Variants in MAST4 observed in about 807,000 individuals in gnomAD.
MAST4 encodes the protein microtubule associated serine/threonine kinase family member 4.
Under a neutral mutation model 162.7 loss-of-function variants are expected in MAST4, and 89 were observed. The observed-to-expected ratio is 0.55, with a 90% CI of 0.46 to 0.65. The LOEUF is 0.65. Ranked by LOEUF, MAST4 falls within the 30% of genes least tolerant of loss-of-function variation. The pLI is 0.00. For missense variants in MAST4, 3,153 were observed against 3,374.0 expected (o/e 0.93, Z 1.62); for synonymous variants, 1,479 against 1,361.1 (o/e 1.09, Z -1.91).
chr5:66,774,676 A>C (rs1754504224), intron 2 of MAST4, among the ~76,000 whole-genome samples: 1 of 152,236 alleles, frequency 6.6e-6, no homozygotes, highest in Admixed American at 6.5e-5. Flanking sequence ...TCCTCAAAGC[A>C]AAGCCTTGTG....
chr5:66,798,452 A>G (rs1296930541), intron 3 of MAST4, among the ~76,000 whole-genome samples: 1 of 152,128 alleles, frequency 6.6e-6, no homozygotes, highest in Non-Finnish European at 1.5e-5. Flanking sequence ...TAGTGCTTCT[A>G]CAGGTTTGTT....
At chr5:66,907,383 A>C (rs1763441275) in intron 4 of MAST4, among the ~76,000 whole-genome samples, 1 of 152,196 alleles carries the variant, frequency 6.6e-6, no homozygotes, top group African/African-American at 2.4e-5. Flanking sequence ...GGTGGGCTTC[A>C]TCCAGGATCA....
At chr5:66,710,771 C>G (rs1750446387) in intron 1 of MAST4, among the ~76,000 whole-genome samples, 1 of 152,100 alleles carries the variant, frequency 6.6e-6, no homozygotes, top group South Asian at 2.1e-4. Flanking sequence ...TGGCATTGCT[C>G]CCAGGAGGTG....
At chr5:66,837,890 ATATATTTTTTTTTTTT>A (rs1394467591) in intron 3 of MAST4, among the ~76,000 whole-genome samples, 5 of 28,064 alleles carry the variant, frequency 1.8e-4, no homozygotes, top group South Asian at 2.6e-3. Flanking sequence ...ATATATATAT[ATATATTTTTTTTTTTT>A]TTTTTTTTTT....
chr5:67,085,196 GTCT>G (rs1179099641), intron 5 of MAST4, among the ~76,000 whole-genome samples: 5 of 152,232 alleles, frequency 3.3e-5, no homozygotes, highest in Admixed American at 3.3e-4. Context: ...AAATCTTGAA[GTCT>G]TCTTTGTGTT....
rs759766372 is a variant in MAST4, at chr5:67,162,930, T to G, written c.3967+142T>G. On this transcript the variant is annotated intron_variant, in intron 28 of 28. Coordinates refer to ENST00000403625, the MANE Select transcript of MAST4 (RefSeq NM_001164664.2). Reference sequence around the variant, plus strand: ...TAAAGACAGATTTATAGAGAGGTCATAAGATGTGGCTATTCTGACCAAACA... The same window carrying G: ...TAAAGACAGATTTATAGAGAGGTCAGAAGATGTGGCTATTCTGACCAAACA... 13 of 1,028,472 alleles carry G rather than the reference T, an allele frequency of 1.3e-5. No homozygotes were observed. The South Asian group carries it at 1.7e-4, about 13-fold the overall frequency. The allele number at this position is 1,028,472 out of a possible 1,614,324, so 63.7% of individuals were successfully genotyped here.
chr5:66,859,712 G>A (rs1020884688), intron 3 of MAST4, among the ~76,000 whole-genome samples: 1 of 152,256 alleles, frequency 6.6e-6, no homozygotes, highest in Non-Finnish European at 1.5e-5. Flanking sequence ...CATGAGATGA[G>A]TGATTTAAAT....
intron 3 of MAST4, chr5:66,870,962 A>G (rs963758691): frequency 2.4e-6 from 1 of 409,944 alleles, no homozygotes; most frequent in African/African-American, 2.1e-5. Context: ...GGGCTTTAGA[A>G]TATGGATATT....
chr5:66,898,693 C>T (rs1461330918), intron 3 of MAST4, among the ~76,000 whole-genome samples: 3 of 152,190 alleles, frequency 2.0e-5, no homozygotes, highest in East Asian at 1.9e-4. Flanking sequence ...TGAAAGAAGA[C>T]GACACTTCAT....
chr5:66,899,929 A>G (rs1432225257), intron 3 of MAST4, 22 bp from the exon 4 acceptor site: 3 of 1,507,320 alleles, frequency 2.0e-6, no homozygotes, highest in Admixed American at 4.8e-5. Flanking sequence ...TTGCTTATAT[A>G]TGGTTTTTTT....
rs145988685 is a variant in MAST4 at position 67,122,949 on chromosome 5, T to C, written c.1745+1847T>C. ...TCTCTGCTGATCAGCCAAAACTCTT[T>C]TTTTCTTTTTCTCTTCTCAGATTTA... On this transcript the variant is annotated intron_variant, in intron 14 of 28. Transcript: ENST00000403625. Among the ~76,000 whole-genome samples the C allele has an allele frequency of 2.5e-3, 382 of 152,314 alleles. 4 individuals carry two copies. Among genetic ancestry groups the C allele is most frequent in the Admixed American group, 0.022 (329 of 15,292 alleles).
At chr5:66,760,079 ATTTATTTATTTATTTATTT>A (rs1561312383) in intron 2 of MAST4, among the ~76,000 whole-genome samples, 4 of 136,048 alleles carry the variant, frequency 2.9e-5, no homozygotes, top group Non-Finnish European at 4.9e-5. Flanking sequence ...AATATCCCCT[ATTTATTTATTTATTTATTT>A]ATTTATTTAT....
chr5:66,832,433 G>A (rs1757672571), intron 3 of MAST4, among the ~76,000 whole-genome samples: 1 of 151,606 alleles, frequency 6.6e-6, no homozygotes, highest in Admixed American at 6.6e-5. Flanking sequence ...CCCCACCCCT[G>A]TCCCCTGCCC....
At chr5:66,616,490 G>A (rs1042157452) in intron 1 of MAST4, among the ~76,000 whole-genome samples, 1 of 152,152 alleles carries the variant, frequency 6.6e-6, no homozygotes, top group African/African-American at 2.4e-5. Context: ...TGGACATCTG[G>A]GGCAGGTGTC....
At chr5:66,671,888 TAGA>T (rs749130405) in intron 1 of MAST4, among the ~76,000 whole-genome samples, 1 of 152,102 alleles carries the variant, frequency 6.6e-6, no homozygotes, top group African/African-American at 2.4e-5. Context: ...CGACCAACTT[TAGA>T]AGATCATTAA....
chr5:66,804,732 T>C lies in MAST4; in HGVS notation c.642+15938T>C, dbSNP rs77986877. On this transcript the variant is annotated intron_variant, in intron 3 of 28. Coordinates refer to ENST00000403625, the MANE Select transcript of MAST4 (RefSeq NM_001164664.2). The stretch of plus-strand genomic sequence containing the variant: ...GTTTAAGAGTGGACTCTTCTGTATG[T>C]TGCCTATAAAGGCATCTGGACTTGA... 9.0e-3 allele frequency among the ~76,000 whole-genome samples: 1,377 copies of C among 152,330 alleles called. 26 individuals carry two copies. Among genetic ancestry groups the C allele is most frequent in the African/African-American group, 0.031 (1,277 of 41,570 alleles).
chr5:66,935,003 T>C lies in MAST4; in HGVS notation c.674+35021T>C, dbSNP rs144238968. 4.7e-3 allele frequency among the ~76,000 whole-genome samples: 710 copies of C among 152,322 alleles called. 5 individuals are homozygous for C. Among genetic ancestry groups the C allele is most frequent in the African/African-American group, 0.016 (682 of 41,586 alleles). Reference sequence around the variant, plus strand: ...TTCAGTAGGTAAGGATGTCTTCCAATCTAGTTCTGCCACTTAGTAGCTGTA... The same window carrying C: ...TTCAGTAGGTAAGGATGTCTTCCAACCTAGTTCTGCCACTTAGTAGCTGTA... On this transcript the variant is annotated intron_variant, in intron 4 of 28. Transcript: ENST00000403625.
intron 13 of MAST4, among the ~76,000 whole-genome samples, chr5:67,120,022 A>G (rs1767382365): frequency 6.6e-6 from 1 of 152,254 alleles, no homozygotes; most frequent in Admixed American, 6.5e-5. Flanking sequence ...AAGTGGTCCC[A>G]GTCTCGAAGT....
At chr5:67,129,370 A>T (rs1254008199) in intron 14 of MAST4, among the ~76,000 whole-genome samples, 12 of 152,162 alleles carry the variant, frequency 7.9e-5, no homozygotes, top group African/African-American at 2.4e-4. Flanking sequence ...TGGAAGCCAG[A>T]TACTCTAAGA....
Sources: allele counts gnomAD v4.1 joint callset (sites outside exome capture counted in the v4.1 genomes callset), GRCh38; gene constraint gnomAD v4.1.1; transcripts MANE v1.5; gene names NCBI Gene and HGNC (gene_info 2026-07-23, HGNC 2026-07-21).